The following COL2A1 variants were observed in gnomAD, a reference collection of about 807,000 sequenced individuals.
COL2A1 encodes the protein collagen alpha-1(II) chain.
COL2A1 carries 28 observed loss-of-function variants against 204.5 expected under a neutral mutation model. That is an observed-to-expected ratio of 0.14 (90% CI 0.10 to 0.19). The LOEUF is 0.19. COL2A1 is among the 10% of genes least tolerant of loss of function. The probability of loss-of-function intolerance (pLI) is 1.00; values close to 1 mark genes in which losing one functional copy is unlikely to be tolerated. For synonymous variants in COL2A1, 708 were observed against 718.7 expected, an observed-to-expected ratio of 0.99 and a Z score of 0.24; for missense variants, 1,388 against 2,027.5, an observed-to-expected ratio of 0.68 and a Z score of 6.06.
At chr12:48,005,026 TGAAGGGTTACCCC>T (rs969821181), upstream of COL2A1, among the ~76,000 whole-genome samples, 22 of 152,140 alleles carry the variant, frequency 1.4e-4, no homozygotes, top group African/African-American at 4.8e-4. Flanking sequence ...GAGCCAGATC[TGAAGGGTTACCCC>T]GACCTATCTT....
rs142560812 is a variant in COL2A1, at chr12:47,980,160, A to G, written c.2626-98T>C. 1.5e-3 allele frequency: 1,688 copies of G among 1,152,484 alleles called. 28 individuals carry two copies. The African/African-American group carries it at 0.023, about 16-fold the overall frequency. The allele number at this position is 1,152,484 out of a possible 1,614,324, so 71.4% of individuals were successfully genotyped here. ...CAATGGACCCCTGAGGTTTTCGAAG[A>G]TGCAGCTTTCTTGGCACTAAAAACC... is the stretch of plus-strand genomic sequence containing the variant. On this transcript the variant is annotated intron_variant, in intron 39 of 53. Coordinates refer to ENST00000380518, the MANE Select transcript of COL2A1 (RefSeq NM_001844.5). This position sits in a 1 kb window ranked among gnomAD's most constrained non-coding sequence, Gnocchi z 4.5.
chr12:48,004,315 G>C lies in COL2A1; in HGVS notation c.7C>G (p.Arg3Gly), dbSNP rs898585011. ...ACCAGCGTCTGGGGAGCCCCGAGGC[G>C]AATCATGGCTCACCGCGGGGCCTGG... The part of the protein sequence containing the change: MI[R>G]LGAPQTLVLL... Residue 3 changes from arginine (R) to glycine (G), a missense_variant, in exon 1 of 54, where the codon CGC (arginine) becomes GGC (glycine). Physicochemically the swap from Arg to Gly is moderately radical, Grantham distance 125. Transcript: ENST00000380518. 23 of 1,546,354 alleles carry C rather than the reference G, an allele frequency of 1.5e-5. No individual in the cohort carries two copies. The highest frequency in any genetic ancestry group is 1.8e-5 in the Non-Finnish European group (21 of 1,143,560).
At chr12:47,986,622 G>A (rs1392622053) in intron 22 of COL2A1, among the ~76,000 whole-genome samples, 179 bp from the exon 23 acceptor site, 2 of 152,188 alleles carry the variant, frequency 1.3e-5, no homozygotes, top group Non-Finnish European at 2.9e-5. Flanking sequence ...AGGGGCTAAA[G>A]ATCCAACTGT....
chr12:47,999,789 A>G, intron 2 of COL2A1, 130 bp downstream of exon 2: 1 of 776,020 alleles, frequency 1.3e-6, no homozygotes, highest in African/African-American at 1.7e-5. Context: ...TTTCCTTTCT[A>G]CCCCAGCTAC....
intron 22 of COL2A1, 145 bp from the exon 23 acceptor site, chr12:47,986,588 C>A: frequency 1.4e-6 from 1 of 712,498 alleles, no homozygotes. Flanking sequence ...AAGGACGAGC[C>A]ATGGCAGGGC....
At chr12:47,990,884 T>G (rs771917329) in intron 16 of COL2A1, among the ~76,000 whole-genome samples, 1 of 152,176 alleles carries the variant, frequency 6.6e-6, no homozygotes, top group Non-Finnish European at 1.5e-5. Flanking sequence ...GCCTAGGGCC[T>G]GACTGAGCAG....
Position 47,976,083 on chromosome 12 carries a change from G to C in COL2A1, c.3490-13C>G, listed in dbSNP as rs1565668185. 1.9e-6 allele frequency: 3 copies of C among 1,592,116 alleles called. No homozygotes were observed. The highest frequency in any genetic ancestry group is 3.3e-5 in the Admixed American group (2 of 59,994). On this transcript the variant is annotated splice_polypyrimidine_tract_variant and intron_variant, in intron 49 of 53. Coordinates refer to ENST00000380518, the MANE Select transcript of COL2A1 (RefSeq NM_001844.5). The surrounding 1 kb of genome is among the most constrained non-coding windows in gnomAD (Gnocchi z 4.3). ...GGCCAGGAGGACCCTGCAAGAGAGA[G>C]AGGTCGTGAGGAAAGAGTGGTCACC...
chr12:47,982,155 G>A lies in COL2A1; in HGVS notation c.2307C>T (p.Asp769=), dbSNP rs145023922. 1.3e-4 allele frequency: 207 copies of A among 1,613,544 alleles called. 1 individual carries two copies. The highest frequency in any genetic ancestry group is 1.6e-4 in the Middle Eastern group (1 of 6,084). The part of the protein sequence containing the change: ...GIAGPKGDRG[D]VGEKGPEGAP... ...CTCCCTCAGGGCCTTTCTCACCAAC[G>A]TCACCCTGAGGGAAGAGAAAACCAG... is the stretch of plus-strand genomic sequence containing the variant. Residue 769 remains aspartate, a synonymous_variant, in exon 35 of 54, where the codon GAC becomes GAT. Transcript: ENST00000380518.
At chr12:47,982,479 G>T in intron 34 of COL2A1, 23 bp downstream of exon 34, 1 of 1,583,376 alleles carries the variant, frequency 6.3e-7, no homozygotes, top group Non-Finnish European at 8.7e-7. Flanking sequence ...GCTTTGGTGA[G>T]AGGCTGTAAC....
intron 31 of COL2A1, 115 bp downstream of exon 31, chr12:47,983,270 C>T (rs1374929303): frequency 6.8e-7 from 1 of 1,476,086 alleles, no homozygotes; most frequent in Admixed American, 1.8e-5. Flanking sequence ...GACATGGGTC[C>T]AGGACATTCC....
chr12:47,997,536 T>C (rs1940017700), intron 7 of COL2A1, 70 bp downstream of exon 7: 1 of 1,612,962 alleles, frequency 6.2e-7, no homozygotes, highest in South Asian at 1.1e-5. Context: ...GCCAGGTAAG[T>C]GCAAGCAGCA....
At position 47,978,348 on chromosome 12, in the gene COL2A1, G is replaced by A. The variant is rs555904044; in HGVS notation, c.2946C>T (p.Ile982=). Residue 982 remains isoleucine (I), a synonymous_variant, in exon 43 of 54, where the codon ATC becomes ATT. Transcript: ENST00000380518. The surrounding 1 kb of genome is among the most constrained non-coding windows in gnomAD (Gnocchi z 5.5). The stretch of plus-strand genomic sequence containing the variant: ...CACCACGTTGCCCAGGCAGACCGAC[G>A]ATGCCTCTCTGACCAGCCAGACCCT... The part of the protein sequence containing the change: ...GPQGLAGQRG[I]VGLPGQRGER... The A allele has an allele frequency of 1.7e-5, 27 of 1,614,070 alleles. No individual in the cohort carries two copies. Among genetic ancestry groups the A allele is most frequent in the Admixed American group, 8.3e-5 (5 of 60,024 alleles).
At chr12:47,977,189 G>T (rs758479149) in intron 46 of COL2A1, 34 bp from the exon 47 acceptor site, 13 of 1,611,014 alleles carry the variant, frequency 8.1e-6, no homozygotes, top group Non-Finnish European at 1.1e-5. Context: ...TCAGAGAAAA[G>T]CCAGGACAGG....
At chr12:47,983,903 C>T in intron 29 of COL2A1, 167 bp from the exon 30 acceptor site, 1 of 916,736 alleles carries the variant, frequency 1.1e-6, no homozygotes, top group East Asian at 2.6e-5. Flanking sequence ...CACCCACACT[C>T]CTCTCCACCA....
rs535354897 is a variant in COL2A1 at position 47,978,970 on chromosome 12, C to T, written c.2734-212G>A. On this transcript the variant is annotated intron_variant, in intron 41 of 53. Transcript: ENST00000380518. This position sits in a 1 kb window ranked among gnomAD's most constrained non-coding sequence, Gnocchi z 5.5. ...AGCTCTGGGCAGACAGCCCCAACTT[C>T]TCCAGCTCCTGCTTGCTTTGCTTTC... Among the ~76,000 whole-genome samples the T allele has an allele frequency of 3.3e-5, 5 of 152,128 alleles. No homozygotes were observed. The South Asian group carries it at 1.0e-3, about 32-fold the overall frequency.
rs952196569 is a variant in COL2A1 at position 48,000,267 on chromosome 12, G to A, written c.86-142C>T. 8.6e-5 allele frequency: 57 copies of A among 664,552 alleles called. No individual in the cohort carries two copies. In the East Asian group the frequency reaches 1.6e-3, roughly 18 times the overall value. The allele number at this position is 664,552 out of a possible 1,614,324, so 41.2% of individuals were successfully genotyped here. ...TAGGCTGGGGCCACCTGGACATATA[G>A]AACTTAAAAATTATTTTCCTAAAAC... On this transcript the variant is annotated intron_variant, in intron 1 of 53. Coordinates refer to ENST00000380518, the MANE Select transcript of COL2A1 (RefSeq NM_001844.5).
intron 1 of COL2A1, among the ~76,000 whole-genome samples, chr12:48,003,373 A>C (rs781579339): frequency 2.0e-5 from 3 of 152,050 alleles, no homozygotes; most frequent in Non-Finnish European, 2.9e-5. Flanking sequence ...GAGTTCCAGA[A>C]TTTAGAAAAG....
chr12:47,993,033 G>A, intron 15 of COL2A1, 102 bp from the exon 16 acceptor site: 1 of 1,110,068 alleles, frequency 9.0e-7, no homozygotes, highest in Non-Finnish European at 1.4e-6. Flanking sequence ...AGGAGAGGGA[G>A]GATGCCCACA....
In COL2A1 at chr12:47,985,959, G is replaced by A. The variant is rs1444149100; in HGVS notation, c.1534C>T (p.Pro512Ser). ...PIGPPGERGA[P>S]GNRGFPGQDG... ...TGACCTGGGAAACCGCGGTTGCCGGGAGCACCCTAAGGAGCCACAGGGAGG... is the reference window on the plus strand; with the variant it reads ...TGACCTGGGAAACCGCGGTTGCCGGAAGCACCCTAAGGAGCCACAGGGAGG... The change falls in exon 24 of 54, where the codon CCC (proline) becomes TCC (serine). Residue 512 changes from proline to serine, a missense_variant. Coordinates refer to ENST00000380518, the MANE Select transcript of COL2A1 (RefSeq NM_001844.5). 6.4e-7 allele frequency: 1 copy of A among 1,551,600 alleles called. No homozygotes were observed. Among genetic ancestry groups the A allele is most frequent in the Non-Finnish European group, 8.7e-7 (1 of 1,146,994 alleles).
Sources: allele counts gnomAD v4.1 joint callset (sites outside exome capture counted in the v4.1 genomes callset), GRCh38; gene constraint gnomAD v4.1.1; non-coding constraint Gnocchi (gnomAD v3.1); transcripts MANE v1.5; gene names NCBI Gene and HGNC (gene_info 2026-07-23, HGNC 2026-07-21).